The following XKR9 variants were observed in gnomAD, a reference collection of about 807,000 sequenced individuals.
The protein encoded by XKR9 is XK-related protein 9.
Under a neutral mutation model 32.0 loss-of-function variants are expected in XKR9, and 32 were observed. The observed-to-expected ratio is 1.00, with a 90% CI of 0.76 to 1.34. The LOEUF is 1.34. Ranked by LOEUF, XKR9 falls within the 40% of genes most tolerant of loss-of-function variation. The pLI, the probability that XKR9 is intolerant of heterozygous loss-of-function variation, is 0.00. For synonymous variants in XKR9, 168 were observed against 143.4 expected, an observed-to-expected ratio of 1.17 and a Z score of -1.22; for missense variants, 546 against 429.7, an observed-to-expected ratio of 1.27 and a Z score of -2.39.
the XKR9 span, among the ~76,000 whole-genome samples, chr8:70,901,120 C>T: frequency 2.6e-5 from 4 of 152,138 alleles, no homozygotes; most frequent in Non-Finnish European, 5.9e-5. Flanking sequence ...AATAAACATA[C>T]GTGTGCATGT....
intron 4 of XKR9, among the ~76,000 whole-genome samples, chr8:70,732,054 A>G (rs1049622295): frequency 3.3e-5 from 5 of 152,224 alleles, no homozygotes; most frequent in Admixed American, 3.3e-4. Flanking sequence ...CACGACTCCC[A>G]GGAGCTGAAC....
In XKR9 at chr8:70,735,485, T is replaced by C. The variant is rs1030117491; in HGVS notation, c.*1061T>C. The stretch of plus-strand genomic sequence containing the variant: ...TATTATTATTATTATTATTATACTT[T>C]AAGGTTTAGGGTACATGTGCACAAT... On this transcript the variant is annotated 3_prime_UTR_variant, in exon 5 of 5. Coordinates refer to ENST00000408926, the MANE Select transcript of XKR9 (RefSeq NM_001011720.2). The C allele has an allele frequency of 5.3e-5, 8 of 151,250 alleles. No individual in the cohort carries two copies. Among genetic ancestry groups the C allele is most frequent in the Admixed American group, 4.6e-4 (7 of 15,174 alleles). The allele number at this position is 151,250 out of a possible 1,614,324, so 9.4% of individuals were successfully genotyped here. A position where few individuals can be genotyped will look rare whatever the true frequency, so the allele number is the denominator to read the frequency against.
At chr8:70,943,831 T>C in the XKR9 span, among the ~76,000 whole-genome samples, 65 of 152,250 alleles carry the variant, frequency 4.3e-4, no homozygotes, top group African/African-American at 1.5e-3. Context: ...TAAAACTGGG[T>C]AGTTTTGTTA....
the XKR9 span, among the ~76,000 whole-genome samples, chr8:70,965,180 C>A: frequency 2.6e-5 from 4 of 151,980 alleles, no homozygotes; most frequent in African/African-American, 9.7e-5. Flanking sequence ...TTATCAAAGG[C>A]CTTTTCTGCA....
chr8:70,997,748 C>CT, the XKR9 span, among the ~76,000 whole-genome samples: 1 of 152,072 alleles, frequency 6.6e-6, no homozygotes, highest in African/African-American at 2.4e-5. Flanking sequence ...CACCTGTTCC[C>CT]CCCAAACTAT....
At chr8:70,856,152 G>A in the XKR9 span, among the ~76,000 whole-genome samples, 32 of 152,122 alleles carry the variant, frequency 2.1e-4, no homozygotes, top group East Asian at 9.7e-4. Flanking sequence ...ATAAATGGGC[G>A]AAATGCTCCA....
chr8:70,851,230 G>A, the XKR9 span, among the ~76,000 whole-genome samples: 1 of 152,126 alleles, frequency 6.6e-6, no homozygotes, highest in Non-Finnish European at 1.5e-5. Context: ...TACAAGGGAT[G>A]TGAAGGACCT....
the XKR9 span, among the ~76,000 whole-genome samples, chr8:70,960,815 T>C: frequency 6.7e-6 from 1 of 149,212 alleles, no homozygotes. Flanking sequence ...GGGGCTTCAG[T>C]GAGCCTTGAT....
intron 2 of XKR9, among the ~76,000 whole-genome samples, chr8:70,743,993 T>C (rs1171382495): frequency 6.6e-6 from 1 of 152,102 alleles, no homozygotes; most frequent in Non-Finnish European, 1.5e-5. Context: ...GTAAGAGATA[T>C]ACCCACCTTC....
At chr8:70,675,239 A>G (rs1818844553) in intron 2 of XKR9, among the ~76,000 whole-genome samples, 1 of 152,144 alleles carries the variant, frequency 6.6e-6, no homozygotes, top group African/African-American at 2.4e-5. Context: ...CAGCCTGCCC[A>G]ATATGGCGAA....
the XKR9 span, among the ~76,000 whole-genome samples, chr8:70,893,360 C>T: frequency 6.6e-6 from 1 of 152,012 alleles, no homozygotes; most frequent in Non-Finnish European, 1.5e-5. Context: ...ATTGGGTTCT[C>T]TTACTACACA....
At chr8:70,814,189 A>C in the XKR9 span, among the ~76,000 whole-genome samples, 1 of 152,126 alleles carries the variant, frequency 6.6e-6, no homozygotes, top group Non-Finnish European at 1.5e-5. Context: ...AAACTATCGC[A>C]AGGACAAAAA....
chr8:71,024,226 C>T, the XKR9 span, among the ~76,000 whole-genome samples: 1 of 152,166 alleles, frequency 6.6e-6, no homozygotes, highest in Non-Finnish European at 1.5e-5. Flanking sequence ...GGAGCAGGGG[C>T]AGGGTTTCTG....
At chr8:70,993,209 C>T in the XKR9 span, among the ~76,000 whole-genome samples, 1 of 152,188 alleles carries the variant, frequency 6.6e-6, no homozygotes, top group Non-Finnish European at 1.5e-5. Flanking sequence ...CCTACCCTAG[C>T]ACAGCCGGTC....
chr8:71,015,856 G>A, the XKR9 span, among the ~76,000 whole-genome samples: 3 of 151,974 alleles, frequency 2.0e-5, no homozygotes, highest in African/African-American at 7.3e-5. Flanking sequence ...GTCTGTTAAA[G>A]TAATATTTGA....
intron 3 of XKR9, among the ~76,000 whole-genome samples, chr8:70,688,420 CA>C (rs1450587406): frequency 6.6e-6 from 1 of 151,344 alleles, no homozygotes; most frequent in Admixed American, 6.6e-5. Context: ...ACACAGGCCA[CA>C]TTTTTTTTTT....
At chr8:70,813,273 A>G in the XKR9 span, among the ~76,000 whole-genome samples, 7 of 152,174 alleles carry the variant, frequency 4.6e-5, no homozygotes, top group Non-Finnish European at 8.8e-5. Flanking sequence ...CCTTCTTAAC[A>G]CCTTATACAA....
At chr8:70,839,850 C>G in the XKR9 span, among the ~76,000 whole-genome samples, 1 of 152,132 alleles carries the variant, frequency 6.6e-6, no homozygotes, top group Non-Finnish European at 1.5e-5. Context: ...GAATCCCTGT[C>G]CAGACAAATG....
At chr8:71,028,110 G>A in the XKR9 span, among the ~76,000 whole-genome samples, 1 of 152,138 alleles carries the variant, frequency 6.6e-6, no homozygotes, top group African/African-American at 2.4e-5. Flanking sequence ...AATGACATTG[G>A]AATTTTGATA....
Sources: allele counts gnomAD v4.1 joint callset (sites outside exome capture counted in the v4.1 genomes callset), GRCh38; gene constraint gnomAD v4.1.1; transcripts MANE v1.5; gene names NCBI Gene and HGNC (gene_info 2026-07-23, HGNC 2026-07-21).